Variants in FAT4 observed in about 807,000 individuals in gnomAD.
The protein encoded by FAT4 is protocadherin Fat 4.
FAT4 carries 84 observed loss-of-function variants against 303.9 expected under a neutral mutation model. The ratio of observed to expected loss-of-function variants is 0.28; its 90% CI spans 0.23 to 0.33. FAT4 has a LOEUF of 0.33. Among genes scored for constraint, FAT4 ranks in the 10% least tolerant of loss-of-function variants. The pLI is 1.00. For synonymous variants in FAT4, 2,307 were observed against 2,298.8 expected (o/e 1.00, Z -0.10); for missense variants, 6,005 against 6,146.8 (o/e 0.98, Z 0.77).
rs781133612 is a variant in FAT4, at chr4:125,415,297, C to T, written c.6334C>T (p.Leu2112=). ...IDGEVRLTGE[L]DREEVSNYTL... is the part of the protein sequence containing the mutation. ...TGGTGAAGTGAGGCTCACTGGAGAA[C>T]TGGACAGAGAAGAAGTTTCTAATTA... Residue 2112 remains leucine (L), a synonymous_variant, in exon 6 of 18, where the codon CTG becomes TTG. Transcript: ENST00000394329. 3.7e-6 allele frequency: 6 copies of T among 1,614,042 alleles called. No individual in the cohort carries two copies. Among genetic ancestry groups the T allele is most frequent in the Non-Finnish European group, 5.1e-6 (6 of 1,179,984 alleles).
Position 125,318,906 on chromosome 4 carries a change from C to T in FAT4, c.2495C>T (p.Thr832Ile). ...LNSNISYLIT[T>I]GDQKGMFAIN... is the part of the protein sequence containing the mutation. The stretch of plus-strand genomic sequence containing the variant: ...TCCAACATCAGTTATCTCATTACTA[C>T]TGGGGATCAGAAAGGTATGTTTGCT... Residue 832 changes from threonine (T) to isoleucine (I), a missense_variant, in exon 2 of 18, where the codon ACT (threonine) becomes ATT (isoleucine). By Grantham distance (89) the Thr-to-Ile change is moderately conservative (BLOSUM62 -1). Transcript: ENST00000394329. The T allele has an allele frequency of 2.5e-6, 4 of 1,614,194 alleles. No homozygotes were observed. Among genetic ancestry groups the T allele is most frequent in the Non-Finnish European group, 2.5e-6 (3 of 1,180,032 alleles).
chr4:125,468,565 T>C lies in FAT4; in HGVS notation c.11959T>C (p.Tyr3987His), dbSNP rs2126076080. 6.2e-7 allele frequency: 1 copy of C among 1,614,024 alleles called. No individual in the cohort carries two copies. Among genetic ancestry groups the C allele is most frequent in the Non-Finnish European group, 8.5e-7 (1 of 1,179,928 alleles). The stretch of plus-strand genomic sequence containing the variant: ...CAGTTATGGATTTGAGGAGTTATCA[T>C]ACATGGAATTTCCAAGCTTGGACCC... ...LNSYGFEELS[Y>H]MEFPSLDPNN... The change falls in exon 12 of 18, where the codon TAC (tyrosine) becomes CAC (histidine). Residue 3987 changes from tyrosine (Y) to histidine (H), a missense_variant. Tyr to His is a moderately conservative substitution (Grantham distance 83, BLOSUM62 2). Transcript: ENST00000394329.
At chr4:125,386,703 G>C (rs1291243383) in intron 2 of FAT4, among the ~76,000 whole-genome samples, 1 of 152,068 alleles carries the variant, frequency 6.6e-6, no homozygotes, top group Non-Finnish European at 1.5e-5. Flanking sequence ...ATTCATTACT[G>C]TTTATTAGTG....
At chr4:125,473,637 G>A (rs866071496) in intron 12 of FAT4, among the ~76,000 whole-genome samples, 12 of 151,952 alleles carry the variant, frequency 7.9e-5, no homozygotes, top group Non-Finnish European at 1.2e-4. Flanking sequence ...CCACACATAT[G>A]TAAGATAACC....
intron 7 of FAT4, among the ~76,000 whole-genome samples, chr4:125,432,798 C>G (rs1310293973): frequency 8.3e-6 from 1 of 120,316 alleles, no homozygotes; most frequent in Non-Finnish European, 1.7e-5. Context: ...AAATGAAACA[C>G]TTAATATAAA....
In FAT4 at chr4:125,450,056, G is replaced by A. The variant is rs377586866; in HGVS notation, c.9046G>A (p.Gly3016Arg). 53 of 1,613,720 alleles carry A rather than the reference G, an allele frequency of 3.3e-5. No individual in the cohort carries two copies. Among genetic ancestry groups the A allele is most frequent in the Non-Finnish European group, 4.4e-5 (52 of 1,179,928 alleles). The change falls in exon 10 of 18, where the codon GGA becomes AGA. Residue 3016 changes from glycine (G) to arginine (R), a missense_variant. Coordinates refer to ENST00000394329, the MANE Select transcript of FAT4 (RefSeq NM_001291303.3). ...RVTAIDDKDF[G>R]LNSEVEYFIS... ...TACAGCAATAGATGACAAAGATTTT[G>A]GACTGAATTCAGAAGTGGAGTATTT... is the stretch of plus-strand genomic sequence containing the variant.
intron 16 of FAT4, among the ~76,000 whole-genome samples, chr4:125,483,755 G>C (rs1485116858): frequency 1.3e-5 from 2 of 151,958 alleles, no homozygotes; most frequent in South Asian, 2.1e-4. Flanking sequence ...AAGAGAATAG[G>C]TAAGAAAAAA....
chr4:125,434,448 A>C, intron 8 of FAT4, 23 bp downstream of exon 8: 1 of 1,609,288 alleles, frequency 6.2e-7, no homozygotes, highest in Non-Finnish European at 8.5e-7. Context: ...TCCTTTGTAA[A>C]GTTTGTCTGT....
intron 3 of FAT4, among the ~76,000 whole-genome samples, chr4:125,400,971 A>G (rs1483481327): frequency 6.6e-6 from 1 of 152,038 alleles, no homozygotes; most frequent in African/African-American, 2.4e-5. Context: ...GCCTGAAGGC[A>G]TAAAAATCAC....
chr4:125,445,752 A>G (rs939551582), intron 8 of FAT4, among the ~76,000 whole-genome samples: 1 of 152,158 alleles, frequency 6.6e-6, no homozygotes, highest in African/African-American at 2.4e-5. Flanking sequence ...GGAATGACAA[A>G]GACAGAATTA....
At chr4:125,463,513 A>G (rs1041889033) in intron 10 of FAT4, 50 bp from the exon 11 acceptor site, 7 of 1,111,730 alleles carry the variant, frequency 6.3e-6, no homozygotes, top group African/African-American at 3.1e-5. Flanking sequence ...TAACGGTGTT[A>G]ATATATTTAT....
In FAT4 at chr4:125,318,088, T is replaced by C; in HGVS notation, c.1677T>C (p.Val559=). The part of the protein sequence containing the change: ...VLNISARDQG[V]HPKVSYAQLV... ...ATATAAGTGCCCGGGACCAGGGAGTTCACCCCAAGGTGTCCTATGCCCAGC... is the reference window on the plus strand; with the variant it reads ...ATATAAGTGCCCGGGACCAGGGAGTCCACCCCAAGGTGTCCTATGCCCAGC... Residue 559 remains valine (V), a synonymous_variant, in exon 2 of 18, where the codon GTT becomes GTC. Coordinates refer to ENST00000394329, the MANE Select transcript of FAT4 (RefSeq NM_001291303.3). The C allele has an allele frequency of 6.2e-7, 1 of 1,614,106 alleles. No homozygotes were observed. Among genetic ancestry groups the C allele is most frequent in the Non-Finnish European group, 8.5e-7 (1 of 1,180,028 alleles).
intron 2 of FAT4, among the ~76,000 whole-genome samples, chr4:125,374,750 T>C (rs190862838): frequency 7.9e-5 from 12 of 152,218 alleles, no homozygotes; most frequent in Non-Finnish European, 1.5e-4. Context: ...CTCCACTCAA[T>C]GAATACAAGG....
Position 125,491,910 on chromosome 4 carries a change from A to G in FAT4, c.*142A>G. 2 of 768,766 alleles carry G rather than the reference A, an allele frequency of 2.6e-6. No homozygotes were observed. Among genetic ancestry groups the G allele is most frequent in the Non-Finnish European group, 4.1e-6 (2 of 488,570 alleles). 47.6% of individuals were successfully genotyped at this position (768,766 alleles called of 1,614,324 possible). A position where few individuals can be genotyped will look rare whatever the true frequency, so the allele number is the denominator to read the frequency against. On this transcript the variant is annotated 3_prime_UTR_variant, in exon 18 of 18. Coordinates refer to ENST00000394329, the MANE Select transcript of FAT4 (RefSeq NM_001291303.3). ...AGGGAAAACTTTAAAAATAATAACC[A>G]CAATGCTGCTGAAACAGACTCACAA...
At chr4:125,434,485 C>A (rs1725389706) in intron 8 of FAT4, 60 bp downstream of exon 8, 2 of 1,422,226 alleles carry the variant, frequency 1.4e-6, no homozygotes, top group Non-Finnish European at 2.0e-6. Context: ...AGTTTTTGAA[C>A]TACATGAATA....
intron 10 of FAT4, among the ~76,000 whole-genome samples, chr4:125,454,234 G>T (rs1337768704): frequency 6.6e-6 from 1 of 152,186 alleles, no homozygotes; most frequent in Non-Finnish European, 1.5e-5. Context: ...TCCATTATGT[G>T]TATACTGATG....
rs777609137 is a variant in FAT4 at position 125,319,639 on chromosome 4, A to G, written c.3228A>G (p.Ala1076=). 3.1e-6 allele frequency: 5 copies of G among 1,614,100 alleles called. No homozygotes were observed. The highest frequency in any genetic ancestry group is 4.2e-6 in the Non-Finnish European group (5 of 1,179,934). Residue 1076 remains alanine (A), a synonymous_variant, in exon 2 of 18, where the codon GCA becomes GCG. Transcript: ENST00000394329. ...TAATGGTTGTTGCTTCTGACAGAGC[A>G]GTGGAACCCCTTAGTGCTACTGTGA... ...YVLMVVASDR[A]VEPLSATVNV... is the part of the protein sequence containing the mutation.
chr4:125,487,458 GA>G lies in FAT4; in HGVS notation c.12941del (p.Asn4314MetfsTer83). 6.2e-7 allele frequency: 1 copy of G among 1,614,030 alleles called. No individual in the cohort carries two copies. Among genetic ancestry groups the G allele is most frequent in the Non-Finnish European group, 8.5e-7 (1 of 1,179,948 alleles). ...GCCACTGGCACACTTTTCTAATTGG[GA>G]AAAATGGAACAGCAACAGTATTGTC... ...DGHWHTFLIGKNGTATVLSVD... is the reference protein window; with the variant it reads ...DGHWHTFLIGXNGTATVLSVD... On this transcript the variant is annotated frameshift_variant, in exon 17 of 18. Coordinates refer to ENST00000394329, the MANE Select transcript of FAT4 (RefSeq NM_001291303.3). LOFTEE classifies it high-confidence loss of function.
At chr4:125,469,142 G>C (rs1164651250) in intron 12 of FAT4, among the ~76,000 whole-genome samples, 2 of 152,068 alleles carry the variant, frequency 1.3e-5, no homozygotes, top group Non-Finnish European at 2.9e-5. Flanking sequence ...TTTCTGCCTT[G>C]ACTGAAGAAA....
Sources: allele counts gnomAD v4.1 joint callset (sites outside exome capture counted in the v4.1 genomes callset), GRCh38; gene constraint gnomAD v4.1.1; transcripts MANE v1.5; gene names NCBI Gene and HGNC (gene_info 2026-07-23, HGNC 2026-07-21).